Variants in MAP3K8 observed in about 807,000 individuals in gnomAD.
MAP3K8 encodes the protein mitogen-activated protein kinase kinase kinase 8.
A neutral mutation model predicts 45.8 loss-of-function variants in MAP3K8; 22 were observed. That is an observed-to-expected ratio of 0.48 (90% CI 0.34 to 0.69). MAP3K8 has a LOEUF of 0.69. MAP3K8 is among the 30% of genes least tolerant of loss of function. The pLI is 0.01. For missense variants in MAP3K8, 419 were observed against 585.0 expected, an observed-to-expected ratio of 0.72 and a Z score of 2.93; for synonymous variants, 223 against 214.3, an observed-to-expected ratio of 1.04 and a Z score of -0.36.
chr10:30,444,572 A>G (rs1436149667), intron 3 of MAP3K8, among the ~76,000 whole-genome samples: 1 of 152,242 alleles, frequency 6.6e-6, no homozygotes, highest in Non-Finnish European at 1.5e-5. Flanking sequence ...ACATTACACT[A>G]GAAATTCAGG....
chr10:30,444,913 T>C (rs974377800), intron 3 of MAP3K8, among the ~76,000 whole-genome samples: 14 of 152,232 alleles, frequency 9.2e-5, no homozygotes, highest in Non-Finnish European at 1.6e-4. Context: ...AACTAGCATG[T>C]TCCTTAACCT....
chr10:30,439,441 A>G, intron 3 of MAP3K8, 167 bp downstream of exon 3: 1 of 1,294,458 alleles, frequency 7.7e-7, no homozygotes, highest in Non-Finnish European at 1.0e-6. Context: ...GCAAAAAAAA[A>G]AGTCTTCATT....
In MAP3K8 at chr10:30,434,359, TG is replaced by T; in HGVS notation, c.-271del. On this transcript the variant is annotated 5_prime_UTR_variant, in exon 1 of 9. Coordinates refer to ENST00000263056, the MANE Select transcript of MAP3K8 (RefSeq NM_005204.4). ...CCGCGGCTGGAGCGCTCGGCCGGCG[TG>T]GGAGCGCCAAGGCCGCAGGTAATCC... is the stretch of plus-strand genomic sequence containing the variant. 1 of 767,662 alleles carries T rather than the reference TG, an allele frequency of 1.3e-6. No individual in the cohort carries two copies. The highest frequency in any genetic ancestry group is 1.6e-6 in the Non-Finnish European group (1 of 630,862). The allele number at this position is 767,662 out of a possible 1,614,324, so 47.6% of individuals were successfully genotyped here. A position where few individuals can be genotyped will look rare whatever the true frequency, so the allele number is the denominator to read the frequency against.
At chr10:30,435,859 A>T (rs1377612170) in intron 1 of MAP3K8, among the ~76,000 whole-genome samples, 1 of 152,260 alleles carries the variant, frequency 6.6e-6, no homozygotes, top group Non-Finnish European at 1.5e-5. Context: ...AAATATTTTA[A>T]ATGAGAAATA....
At chr10:30,449,093 G>A (rs1836446375) in intron 4 of MAP3K8, among the ~76,000 whole-genome samples, 1 of 152,142 alleles carries the variant, frequency 6.6e-6, no homozygotes. Context: ...GAGATCTACT[G>A]TATGAGATTC....
At position 30,438,918 on chromosome 10, in the gene MAP3K8, T is replaced by C. The variant is rs751200275; in HGVS notation, c.-21T>C. ...AATATTTGTGTTTTCTTTCCTAGAC[T>C]CTCCAGAAAGAGCAACAGTAATGGA... On this transcript the variant is annotated splice_region_variant and 5_prime_UTR_variant, in exon 3 of 9. Transcript: ENST00000263056. 5 of 1,535,874 alleles carry C rather than the reference T, an allele frequency of 3.3e-6. No individual in the cohort carries two copies. In the Admixed American group the frequency reaches 5.5e-5, roughly 17 times the overall value.
At chr10:30,435,480 A>G (rs543529152) in intron 1 of MAP3K8, among the ~76,000 whole-genome samples, 1 of 152,348 alleles carries the variant, frequency 6.6e-6, no homozygotes, top group South Asian at 2.1e-4. Context: ...TTTTGAGAGC[A>G]AAAACATAGT....
Position 30,439,964 on chromosome 10 carries a change from C to A in MAP3K8, c.336+690C>A, listed in dbSNP as rs182286749. ...ATCTTGAAGGCTGAATTATTTGTTCCTTTCTTGTCACATCTTGAAATGTTA... is the reference window on the plus strand; with the variant it reads ...ATCTTGAAGGCTGAATTATTTGTTCATTTCTTGTCACATCTTGAAATGTTA... On this transcript the variant is annotated intron_variant, in intron 3 of 8. Transcript: ENST00000263056. 1.7e-3 allele frequency among the ~76,000 whole-genome samples: 253 copies of A among 152,300 alleles called. 2 individuals are homozygous for A. Among genetic ancestry groups the A allele is most frequent in the African/African-American group, 5.7e-3 (238 of 41,574 alleles).
intron 8 of MAP3K8, 142 bp from the exon 9 acceptor site, chr10:30,460,564 G>A: frequency 1.7e-6 from 1 of 599,294 alleles, no homozygotes; most frequent in Non-Finnish European, 2.8e-6. Context: ...TGTGAACTTA[G>A]CCATAGTGTT....
chr10:30,435,712 C>T (rs556002584), intron 1 of MAP3K8, among the ~76,000 whole-genome samples: 2 of 152,242 alleles, frequency 1.3e-5, no homozygotes, highest in Admixed American at 1.3e-4. Flanking sequence ...GCCGCCACGC[C>T]CGGCTAATTT....
At chr10:30,446,785 A>T (rs959495818) in intron 3 of MAP3K8, among the ~76,000 whole-genome samples, 1 of 152,138 alleles carries the variant, frequency 6.6e-6, no homozygotes, top group Non-Finnish European at 1.5e-5. Context: ...TATATTTTAT[A>T]TATAGTCAAA....
chr10:30,447,980 T>C (rs1485916883), intron 4 of MAP3K8, 31 bp downstream of exon 4: 2 of 1,567,604 alleles, frequency 1.3e-6, no homozygotes, highest in Non-Finnish European at 1.7e-6. Context: ...TAACCCACAC[T>C]GTGTGTTTGG....
chr10:30,447,396 A>G (rs1210840017), intron 3 of MAP3K8, among the ~76,000 whole-genome samples: 1 of 152,214 alleles, frequency 6.6e-6, no homozygotes, highest in Non-Finnish European at 1.5e-5. Flanking sequence ...TATGTGGACT[A>G]ACAGGTTCGC....
rs8177020 is a variant in MAP3K8, at chr10:30,455,367, C to A, written c.874-2717C>A. On this transcript the variant is annotated intron_variant, in intron 6 of 8. Transcript: ENST00000263056. Reference sequence around the variant, plus strand: ...CTGATGTTAGAATTTGATCATGTGGCTACTGCACAGTCATAGACAATTTCT... The same window carrying A: ...CTGATGTTAGAATTTGATCATGTGGATACTGCACAGTCATAGACAATTTCT... Among the ~76,000 whole-genome samples the A allele has an allele frequency of 2.9e-3, 448 of 152,312 alleles. 1 individual carries two copies. The highest frequency in any genetic ancestry group is 0.01 in the African/African-American group (427 of 41,572).
At chr10:30,458,285 T>TGGGG in intron 7 of MAP3K8, 49 bp downstream of exon 7, 1 of 1,255,440 alleles carries the variant, frequency 8.0e-7, no homozygotes, top group Non-Finnish European at 1.1e-6. Context: ...GGGCGTTGAG[T>TGGGG]TATGCATCCC....
intron 3 of MAP3K8, among the ~76,000 whole-genome samples, chr10:30,439,911 A>AG (rs1461533063): frequency 6.6e-6 from 1 of 152,232 alleles, no homozygotes; most frequent in Admixed American, 6.5e-5. Context: ...TTCGTCTGAG[A>AG]GGGGAATAAA....
chr10:30,437,636 A>G (rs1835957198), intron 2 of MAP3K8, among the ~76,000 whole-genome samples: 1 of 152,236 alleles, frequency 6.6e-6, no homozygotes, highest in Admixed American at 6.5e-5. Context: ...GTGAATGATG[A>G]CACTAAATTG....
At chr10:30,446,534 C>CAAAAAA (rs5784199) in intron 3 of MAP3K8, among the ~76,000 whole-genome samples, 12 of 89,200 alleles carry the variant, frequency 1.3e-4, no homozygotes, top group African/African-American at 2.8e-4. Flanking sequence ...GACTCCATCT[C>CAAAAAA]AAAAAAAAAA....
chr10:30,443,383 C>T (rs1836182838), intron 3 of MAP3K8, among the ~76,000 whole-genome samples: 2 of 152,206 alleles, frequency 1.3e-5, no homozygotes, highest in Non-Finnish European at 2.9e-5. Flanking sequence ...ACAATTGTTA[C>T]ACCCCTTCCT....
Sources: gnomAD v4.1 joint callset for allele counts (sites outside exome capture counted in the v4.1 genomes callset) on GRCh38, gnomAD v4.1.1 for gene constraint, MANE v1.5 for transcripts, NCBI Gene and HGNC (gene_info 2026-07-23, HGNC 2026-07-21) for gene names.